Variants in DNAH10 observed in about 807,000 individuals in gnomAD.
DNAH10 encodes axonemal beta dynein heavy chain 10.
Under a neutral mutation model 506.6 loss-of-function variants are expected in DNAH10, and 348 were observed. That is an observed-to-expected ratio of 0.69 (90% confidence interval 0.63 to 0.75). The LOEUF is 0.75. DNAH10 is among the 30% of genes least tolerant of loss of function. The pLI is 0.00. For synonymous variants in DNAH10, 2,059 were observed against 2,198.6 expected (o/e 0.94, Z 1.78); for missense variants, 5,179 against 5,787.1 (o/e 0.89, Z 3.41).
At chr12:123,818,004 A>G (rs1488502068) in intron 21 of DNAH10, among the ~76,000 whole-genome samples, 2 of 147,448 alleles carry the variant, frequency 1.4e-5, no homozygotes, top group African/African-American at 5.0e-5. Context: ...GGCTGAGTGC[A>G]ATGGCACAAT....
chr12:123,839,790 G>A (rs1950703510), intron 29 of DNAH10, among the ~76,000 whole-genome samples: 1 of 151,454 alleles, frequency 6.6e-6, no homozygotes, highest in South Asian at 2.1e-4. Flanking sequence ...AGCCTCCCGA[G>A]TAGCTGGGAC....
intron 34 of DNAH10, among the ~76,000 whole-genome samples, chr12:123,849,303 A>G (rs1951073045): frequency 6.6e-6 from 1 of 152,240 alleles, no homozygotes; most frequent in Admixed American, 6.5e-5. Context: ...CGGCATCATA[A>G]CAAGCAGGAT....
intron 28 of DNAH10, among the ~76,000 whole-genome samples, chr12:123,836,960 C>T (rs1426384581): frequency 1.9e-5 from 2 of 105,090 alleles, no homozygotes; most frequent in Non-Finnish European, 3.9e-5. Context: ...TCCGGCTGTT[C>T]TCCTGCCTCA....
At chr12:123,826,451 A>C (rs1365148917) in intron 24 of DNAH10, among the ~76,000 whole-genome samples, 1 of 152,210 alleles carries the variant, frequency 6.6e-6, no homozygotes, top group Admixed American at 6.5e-5. Context: ...GTATTTCTGG[A>C]TCCCACACAT....
chr12:123,898,457 G>A (rs1389658544), intron 55 of DNAH10, among the ~76,000 whole-genome samples, 196 bp from the exon 56 acceptor site: 1 of 152,250 alleles, frequency 6.6e-6, no homozygotes, highest in Non-Finnish European at 1.5e-5. Flanking sequence ...TTGGCCAAGG[G>A]AAGCACTGTC....
At chr12:123,879,917 C>A in intron 50 of DNAH10, 116 bp downstream of exon 50, 2 of 1,216,410 alleles carry the variant, frequency 1.6e-6, no homozygotes, top group Non-Finnish European at 2.3e-6. Context: ...TGTCTGAGGG[C>A]TTGAAATACG....
intron 24 of DNAH10, 49 bp from the exon 25 acceptor site, chr12:123,826,638 A>G: frequency 6.4e-7 from 1 of 1,560,078 alleles, no homozygotes; most frequent in Non-Finnish European, 8.7e-7. Context: ...TCCTTGTTGC[A>G]TTTCCAAAGG....
At chr12:123,786,052 C>G in intron 9 of DNAH10, 116 bp downstream of exon 9, 1 of 1,192,530 alleles carries the variant, frequency 8.4e-7, no homozygotes, top group Non-Finnish European at 1.1e-6. Flanking sequence ...TTAAAATGTA[C>G]AATTCACTGG....
intron 5 of DNAH10, among the ~76,000 whole-genome samples, chr12:123,775,684 A>G (rs1246514310): frequency 1.3e-5 from 2 of 152,142 alleles, no homozygotes; most frequent in African/African-American, 2.4e-5. Flanking sequence ...AAATGAAGGC[A>G]GGTTTAAGCA....
chr12:123,873,535 C>T, intron 45 of DNAH10, 23 bp from the exon 46 acceptor site: 2 of 1,580,100 alleles, frequency 1.3e-6, no homozygotes, highest in Non-Finnish European at 1.7e-6. Flanking sequence ...GCTGGCTTTT[C>T]ACATCATCTC....
At chr12:123,808,311 G>A (rs1442986448) in intron 18 of DNAH10, among the ~76,000 whole-genome samples, 1 of 152,204 alleles carries the variant, frequency 6.6e-6, no homozygotes, top group East Asian at 1.9e-4. Flanking sequence ...GATTACAGAT[G>A]TGAGCCACTG....
Position 123,923,750 on chromosome 12 carries a change from T to C in DNAH10, c.11507-13T>C, listed in dbSNP as rs746586896. The C allele has an allele frequency of 1.3e-6, 2 of 1,576,338 alleles. No homozygotes were observed. The highest frequency in any genetic ancestry group is 2.7e-5 in the African/African-American group (2 of 72,910). Reference sequence around the variant, plus strand: ...TTTTAAGAAATCAATACTCATCTGATGTTTCCCTCCAGGGCTGTTTGAGAG... The same window carrying C: ...TTTTAAGAAATCAATACTCATCTGACGTTTCCCTCCAGGGCTGTTTGAGAG... On this transcript the variant is annotated splice_polypyrimidine_tract_variant and intron_variant, in intron 65 of 78. Transcript: ENST00000673944.
chr12:123,790,023 C>T lies in DNAH10; in HGVS notation c.1717C>T (p.Leu573=), dbSNP rs1426761811. The change falls in exon 11 of 79, where the codon CTA becomes TTA. Residue 573 remains leucine (L), a synonymous_variant. Transcript: ENST00000673944. The stretch of plus-strand genomic sequence containing the variant: ...TGATGTCCTATGCAGAGTGGACGGC[C>T]TAGTCACCCCCATGGAAAACCTGAC... The part of the protein sequence containing the change: ...IDDVLCRVDG[L]VTPMENLTFD... 6.2e-7 allele frequency: 1 copy of T among 1,614,156 alleles called. No individual in the cohort carries two copies.
intron 65 of DNAH10, among the ~76,000 whole-genome samples, chr12:123,921,690 AGTTTTTTTTTTTTTTTTTTT>A (rs1954730279): frequency 1.1e-4 from 11 of 98,270 alleles, no homozygotes; most frequent in Admixed American, 3.7e-4. Context: ...TGTAGCTTGC[AGTTTTTTTTTTTTTTTTTTT>A]TTTTTTTTTT....
chr12:123,855,209 A>T (rs1370992150), intron 36 of DNAH10, among the ~76,000 whole-genome samples: 1 of 152,182 alleles, frequency 6.6e-6, no homozygotes, highest in East Asian at 1.9e-4. Flanking sequence ...TAGAGAAGAC[A>T]TACCCACATT....
intron 19 of DNAH10, among the ~76,000 whole-genome samples, chr12:123,811,469 T>G (rs1958929844): frequency 6.6e-6 from 1 of 150,936 alleles, no homozygotes; most frequent in African/African-American, 2.4e-5. Context: ...ACTACAGGCA[T>G]GTGCCATCAC....
Position 123,930,433 on chromosome 12 carries a change from T to A in DNAH10, c.12644T>A (p.Phe4215Tyr). 6.3e-7 allele frequency: 1 copy of A among 1,592,342 alleles called. No homozygotes were observed. The highest frequency in any genetic ancestry group is 1.1e-5 in the South Asian group (1 of 87,306). Residue 4215 changes from phenylalanine to tyrosine, a missense_variant, in exon 73 of 79, where the codon TTT (phenylalanine) becomes TAT (tyrosine). Physicochemically the swap from Phe to Tyr is conservative, Grantham distance 22 (BLOSUM62 3). This residue lies in a region of DNAH10 where 4,844 missense variants were observed against 5,430.5 expected (regional missense o/e 0.89). Transcript: ENST00000673944. ...VMYGGRAIDS[F>Y]DRRILTIYMD... is the part of the protein sequence containing the mutation. ...TATGGAGGACGGGCCATCGACAGCT[T>A]TGATCGCCGCATCCTGACCATCTAC...
chr12:123,888,230 C>T (rs1566051699), intron 52 of DNAH10, among the ~76,000 whole-genome samples: 1 of 151,980 alleles, frequency 6.6e-6, no homozygotes, highest in Non-Finnish European at 1.5e-5. Context: ...AAAACAAAAG[C>T]AACTGAAAAA....
At chr12:123,890,047 T>C (rs1307828884) in intron 52 of DNAH10, among the ~76,000 whole-genome samples, 3 of 152,178 alleles carry the variant, frequency 2.0e-5, no homozygotes, top group African/African-American at 7.2e-5. Flanking sequence ...CTTGGCTGCG[T>C]CACATCCACA....
Sources: gnomAD v4.1 joint callset for allele counts (sites outside exome capture counted in the v4.1 genomes callset) on GRCh38, gnomAD v4.1.1 for gene constraint, gnomAD v4.1.1 regional missense constraint, MANE v1.5 for transcripts, NCBI Gene and HGNC (gene_info 2026-07-23, HGNC 2026-07-21) for gene names.